The following MPZL1 variants were observed in gnomAD, a reference collection of about 807,000 sequenced individuals.
MPZL1 encodes myelin protein zero like 1, also known as myelin protein zero-like protein 1.
A neutral mutation model predicts 29.3 loss-of-function variants in MPZL1; 16 were observed. The ratio of observed to expected loss-of-function variants is 0.55; its 90% CI spans 0.37 to 0.83. MPZL1 has a LOEUF of 0.83. Ranked by LOEUF, MPZL1 falls within the 40% of genes least tolerant of loss-of-function variation. The pLI is 0.00. For missense variants in MPZL1, 279 were observed against 332.9 expected, an observed-to-expected ratio of 0.84 and a Z score of 1.26; for synonymous variants, 143 against 132.0, an observed-to-expected ratio of 1.08 and a Z score of -0.57.
intron 4 of MPZL1, chr1:167,774,636 G>C (rs902702095): frequency 6.6e-6 from 1 of 152,100 alleles, no homozygotes; most frequent in Non-Finnish European, 1.5e-5. Context: ...GGTTAATGAG[G>C]GGCAGGAAAG....
chr1:167,741,819 G>A (rs1311596585), intron 1 of MPZL1, among the ~76,000 whole-genome samples: 1 of 152,034 alleles, frequency 6.6e-6, no homozygotes, highest in Non-Finnish European at 1.5e-5. Flanking sequence ...GATCACTTGA[G>A]CTCAGCAGTT....
intron 2 of MPZL1, among the ~76,000 whole-genome samples, chr1:167,766,863 G>A (rs1403236995): frequency 6.6e-6 from 1 of 152,124 alleles, no homozygotes; most frequent in Non-Finnish European, 1.5e-5. Context: ...TCTCTCTCAG[G>A]TAGAAAAATC....
chr1:167,781,729 A>T (rs147837822), intron 5 of MPZL1, among the ~76,000 whole-genome samples: 14 of 152,294 alleles, frequency 9.2e-5, no homozygotes, highest in African/African-American at 3.4e-4. Context: ...AGAGCTGTGG[A>T]AAAATCAGCT....
In MPZL1 at chr1:167,772,406, T is replaced by C; in HGVS notation, c.390T>C (p.Asn130=). ...INIENMQFIH[N]GTYICDVKNP... ...TAGAAAATATGCAGTTTATACACAA[T>C]GGCACCTATATCTGTGATGTCAAAA... Residue 130 remains asparagine (N), a synonymous_variant, in exon 3 of 6, where the codon AAT becomes AAC. Transcript: ENST00000359523. 1.2e-6 allele frequency: 2 copies of C among 1,614,132 alleles called. No homozygotes were observed. The highest frequency in any genetic ancestry group is 2.2e-5 in the East Asian group (1 of 44,870).
intron 2 of MPZL1, among the ~76,000 whole-genome samples, chr1:167,768,850 C>T (rs1210610070): frequency 6.6e-6 from 1 of 152,146 alleles, no homozygotes; most frequent in Non-Finnish European, 1.5e-5. Context: ...TTCAGAAATG[C>T]AAGGCAGGGA....
At position 167,760,105 on chromosome 1, in the gene MPZL1, A is replaced by G. The variant is rs12043430; in HGVS notation, c.92-5478A>G. The stretch of plus-strand genomic sequence containing the variant: ...GCAGACACCAATTAGGAAGCTATCA[A>G]TACTTAATCCAGGTGAAAGATGACA... On this transcript the variant is annotated intron_variant, in intron 1 of 5. Transcript: ENST00000359523. Among the ~76,000 whole-genome samples, 571 of 152,332 alleles carry G rather than the reference A, an allele frequency of 3.7e-3. 10 individuals carry two copies. The East Asian group carries it at 0.054, about 14-fold the overall frequency.
chr1:167,746,504 G>A (rs3767446), intron 1 of MPZL1, among the ~76,000 whole-genome samples: 66,219 of 151,696 alleles, frequency 0.44, 14,829 homozygotes, highest in Non-Finnish European at 0.48. Flanking sequence ...TACATATGTC[G>A]AATAAGATCT....
chr1:167,757,504 C>A (rs1175216144), intron 1 of MPZL1, among the ~76,000 whole-genome samples: 1 of 152,182 alleles, frequency 6.6e-6, no homozygotes, highest in East Asian at 1.9e-4. Flanking sequence ...TCATGACCAG[C>A]CTAGGAAATA....
Position 167,789,603 on chromosome 1 carries a change from GC to G in MPZL1, c.*1684del. 6.6e-6 allele frequency: 1 copy of G among 152,298 alleles called. No homozygotes were observed. Among genetic ancestry groups the G allele is most frequent in the South Asian group, 2.1e-4 (1 of 4,828 alleles). The allele number at this position is 152,298 out of a possible 1,614,324, so 9.4% of individuals were successfully genotyped here. On this transcript the variant is annotated 3_prime_UTR_variant, in exon 6 of 6. Coordinates refer to ENST00000359523, the MANE Select transcript of MPZL1 (RefSeq NM_003953.6). ...AAACTAATGCTGTTGCATACATGAA[GC>G]CTTTTGTTTTTTGAGGAGCTATTTT...
chr1:167,767,679 C>G lies in MPZL1; in HGVS notation c.258+1930C>G, dbSNP rs1308253894. ...ATAGGTTTTACAGGAAAAGTATATT[C>G]AAACCCAGTATATTCAAAAGCCATA... On this transcript the variant is annotated intron_variant, in intron 2 of 5. Transcript: ENST00000359523. Among the ~76,000 whole-genome samples, 3 of 151,362 alleles carry G rather than the reference C, an allele frequency of 2.0e-5. No individual in the cohort carries two copies. The East Asian group carries it at 5.9e-4, about 30-fold the overall frequency.
intron 1 of MPZL1, among the ~76,000 whole-genome samples, chr1:167,753,386 C>G (rs569895538): frequency 5.9e-5 from 9 of 152,132 alleles, no homozygotes; most frequent in Non-Finnish European, 1.3e-4. Flanking sequence ...AATGGAGGAG[C>G]TTTTAAATGT....
At chr1:167,772,573 G>A in intron 3 of MPZL1, 85 bp downstream of exon 3, 9 of 1,268,992 alleles carry the variant, frequency 7.1e-6, no homozygotes, top group Admixed American at 2.1e-5. Context: ...ATTTCATGGT[G>A]GGTTTGGAGG....
chr1:167,778,303 C>T (rs1661413906), intron 5 of MPZL1, among the ~76,000 whole-genome samples: 1 of 149,252 alleles, frequency 6.7e-6, no homozygotes, highest in Non-Finnish European at 1.5e-5. Context: ...GCCTGGGTGA[C>T]AGAGTGAGAC....
At chr1:167,744,723 C>A (rs1452128088) in intron 1 of MPZL1, among the ~76,000 whole-genome samples, 1 of 150,928 alleles carries the variant, frequency 6.6e-6, no homozygotes, top group African/African-American at 2.4e-5. Context: ...AGCAGTTTGC[C>A]CATTTTCTCC....
intron 1 of MPZL1, among the ~76,000 whole-genome samples, chr1:167,761,063 G>T (rs1275375751): frequency 6.6e-6 from 1 of 152,160 alleles, no homozygotes; most frequent in African/African-American, 2.4e-5. Context: ...AACCATGGAG[G>T]TCATTGCATT....
At chr1:167,787,642 C>T (rs1359706503) in intron 5 of MPZL1, among the ~76,000 whole-genome samples, 178 bp from the exon 6 acceptor site, 3 of 152,216 alleles carry the variant, frequency 2.0e-5, no homozygotes, top group Non-Finnish European at 4.4e-5. Context: ...TATGTCCAAT[C>T]TTGTTTCAAA....
intron 1 of MPZL1, among the ~76,000 whole-genome samples, chr1:167,735,153 T>G (rs1660350956): frequency 6.6e-6 from 1 of 152,222 alleles, no homozygotes; most frequent in South Asian, 2.1e-4. Flanking sequence ...CTTTTCTCAC[T>G]TTGTCCATTG....
At chr1:167,764,072 C>G (rs1486857894) in intron 1 of MPZL1, among the ~76,000 whole-genome samples, 2 of 152,118 alleles carry the variant, frequency 1.3e-5, no homozygotes, top group African/African-American at 2.4e-5. Flanking sequence ...CTTATTCTGC[C>G]CGTCTGTTAC....
chr1:167,747,347 A>G (rs1558114074), intron 1 of MPZL1, among the ~76,000 whole-genome samples: 1 of 152,032 alleles, frequency 6.6e-6, no homozygotes, highest in African/African-American at 2.4e-5. Context: ...CAGTCTCTCA[A>G]ATAACTGGGA....
Sources: allele counts gnomAD v4.1 joint callset (sites outside exome capture counted in the v4.1 genomes callset), GRCh38; gene constraint gnomAD v4.1.1; transcripts MANE v1.5; gene names NCBI Gene and HGNC (gene_info 2026-07-23, HGNC 2026-07-21).